Variants in SNTG2 observed in about 807,000 individuals in gnomAD.
SNTG2 encodes the protein gamma-2-syntrophin.
Under a neutral mutation model 70.9 loss-of-function variants are expected in SNTG2, and 74 were observed. The ratio of observed to expected loss-of-function variants is 1.04; its 90% confidence interval spans 0.86 to 1.27. SNTG2 has a LOEUF of 1.27. Ranked by LOEUF, SNTG2 falls within the 50% of genes most tolerant of loss-of-function variation. The pLI is 0.00. For missense variants in SNTG2, 717 were observed against 690.7 expected (o/e 1.04, Z -0.43); for synonymous variants, 278 against 273.8 (o/e 1.02, Z -0.15).
chr2:1,093,529 A>G (rs942209779), intron 2 of SNTG2, among the ~76,000 whole-genome samples: 9 of 152,232 alleles, frequency 5.9e-5, no homozygotes, highest in African/African-American at 2.2e-4. Context: ...TAAAGTTCCT[A>G]GATATGCTAA....
At chr2:994,629 C>G (rs1000000252) in intron 1 of SNTG2, among the ~76,000 whole-genome samples, 1 of 151,898 alleles carries the variant, frequency 6.6e-6, no homozygotes, top group Non-Finnish European at 1.5e-5. Context: ...GAGAATTATC[C>G]ATTTCATAAT....
chr2:1,322,702 T>C (rs986341521), intron 16 of SNTG2, among the ~76,000 whole-genome samples: 1 of 151,892 alleles, frequency 6.6e-6, no homozygotes, highest in African/African-American at 2.4e-5. Context: ...CCTTTCCTAC[T>C]GGGGTACCTG....
At chr2:977,598 T>A (rs1660949950) in intron 1 of SNTG2, among the ~76,000 whole-genome samples, 1 of 152,226 alleles carries the variant, frequency 6.6e-6, no homozygotes, top group Non-Finnish European at 1.5e-5. Flanking sequence ...TTGCCATCTC[T>A]GTCGCTCAAT....
intron 14 of SNTG2, among the ~76,000 whole-genome samples, chr2:1,287,974 G>A (rs184591611): frequency 8.6e-5 from 13 of 151,762 alleles, no homozygotes; most frequent in Admixed American, 5.9e-4. Flanking sequence ...CACCTGGGGC[G>A]AGCCCAGCTT....
intron 1 of SNTG2, among the ~76,000 whole-genome samples, chr2:1,079,264 G>C (rs976994716): frequency 6.6e-6 from 1 of 152,188 alleles, no homozygotes; most frequent in African/African-American, 2.4e-5. Flanking sequence ...TACAGGTGAT[G>C]TCTCCAGGGC....
chr2:1,156,886 G>T (rs879824761), intron 6 of SNTG2, among the ~76,000 whole-genome samples: 80 of 152,092 alleles, frequency 5.3e-4, no homozygotes, highest in Admixed American at 1.3e-4. Context: ...TGAAACAGAG[G>T]TTTCCACGGT....
At chr2:1,295,307 C>G (rs927372565) in intron 14 of SNTG2, among the ~76,000 whole-genome samples, 10 of 152,158 alleles carry the variant, frequency 6.6e-5, no homozygotes, top group African/African-American at 2.2e-4. Flanking sequence ...CCTGTCTTCT[C>G]CCCGTTCACT....
Position 1,009,654 on chromosome 2 carries a change from G to A in SNTG2, c.72+58586G>A, listed in dbSNP as rs375800516. ...GGTCGTGTGTATGGCAGCCACACCT[G>A]TGTCCCCAGGAAGACTGCTGGTTCT... On this transcript the variant is annotated intron_variant, in intron 1 of 16. Transcript: ENST00000308624. Among the ~76,000 whole-genome samples the A allele has an allele frequency of 3.7e-4, 21 of 57,180 alleles. 1 individual carries two copies. Among genetic ancestry groups the A allele is most frequent in the African/African-American group, 1.2e-3 (19 of 15,462 alleles). The allele number at this position is 57,180 out of a possible 152,430, so 37.5% of individuals were successfully genotyped here.
chr2:1,351,904 T>C (rs866110350), intron 16 of SNTG2, among the ~76,000 whole-genome samples: 1 of 152,122 alleles, frequency 6.6e-6, no homozygotes, highest in African/African-American at 2.4e-5. Flanking sequence ...CCCTGGACTC[T>C]TGCAGCCCCT....
At chr2:1,214,915 C>T (rs925115714) in intron 9 of SNTG2, among the ~76,000 whole-genome samples, 1 of 152,084 alleles carries the variant, frequency 6.6e-6, no homozygotes, top group African/African-American at 2.4e-5. Context: ...TCCCTTCATA[C>T]CTAATTTGTT....
chr2:1,153,793 G>T (rs4450636), intron 6 of SNTG2, among the ~76,000 whole-genome samples: 10,893 of 152,270 alleles, frequency 0.072, 567 homozygotes, highest in South Asian at 0.18. Flanking sequence ...TGCGGGTGAT[G>T]GAAGACTGAA....
intron 1 of SNTG2, among the ~76,000 whole-genome samples, chr2:1,072,921 A>G (rs1438884285): frequency 6.6e-6 from 1 of 152,228 alleles, no homozygotes; most frequent in East Asian, 1.9e-4. Context: ...TGGAGCAGGT[A>G]CCTGCAGATG....
chr2:975,974 A>G (rs1660895021), intron 1 of SNTG2, among the ~76,000 whole-genome samples: 1 of 152,370 alleles, frequency 6.6e-6, no homozygotes, highest in East Asian at 1.9e-4. Context: ...AGACAACATC[A>G]GGACAGTCTG....
At chr2:1,009,877 T>C (rs1040795540) in intron 1 of SNTG2, among the ~76,000 whole-genome samples, 16 of 152,186 alleles carry the variant, frequency 1.1e-4, no homozygotes, top group Non-Finnish European at 2.2e-4. Flanking sequence ...ATCTCTCTTC[T>C]CATCCTTTCA....
intron 4 of SNTG2, among the ~76,000 whole-genome samples, chr2:1,123,058 T>G (rs1474569919): frequency 6.6e-6 from 1 of 152,024 alleles, no homozygotes; most frequent in Non-Finnish European, 1.5e-5. Context: ...TTCAAAACAT[T>G]GAAGAAGATA....
chr2:1,012,189 C>T (rs1185404943), intron 1 of SNTG2, among the ~76,000 whole-genome samples: 1 of 152,224 alleles, frequency 6.6e-6, no homozygotes, highest in Non-Finnish European at 1.5e-5. Flanking sequence ...CGTAACAACA[C>T]TAAGCGTGGG....
chr2:1,110,720 G>A (rs1572455856), intron 4 of SNTG2, among the ~76,000 whole-genome samples: 1 of 152,202 alleles, frequency 6.6e-6, no homozygotes, highest in Admixed American at 6.5e-5. Flanking sequence ...TGTCTGCTGT[G>A]CTGCCATATC....
At position 1,247,321 on chromosome 2, in the gene SNTG2, C is replaced by G; in HGVS notation, c.889-6C>G. On this transcript the variant is annotated splice_region_variant and splice_polypyrimidine_tract_variant and intron_variant, in intron 11 of 16. Coordinates refer to ENST00000308624, the MANE Select transcript of SNTG2 (RefSeq NM_018968.4). Reference sequence around the variant, plus strand: ...GGCTTGGTTTGTAATTTTCACCCCTCTGCAGGTTGTGCATATGGGGTGGGT... The same window carrying G: ...GGCTTGGTTTGTAATTTTCACCCCTGTGCAGGTTGTGCATATGGGGTGGGT... The G allele has an allele frequency of 7.0e-7, 1 of 1,421,062 alleles. No homozygotes were observed. The highest frequency in any genetic ancestry group is 9.7e-7 in the Non-Finnish European group (1 of 1,034,042). The allele number at this position is 1,421,062 out of a possible 1,614,324, so 88.0% of individuals were successfully genotyped here. A position where few individuals can be genotyped will look rare whatever the true frequency, so the allele number is the denominator to read the frequency against.
intron 8 of SNTG2, among the ~76,000 whole-genome samples, chr2:1,186,336 C>G (rs1444084930): frequency 6.6e-6 from 1 of 152,200 alleles, no homozygotes; most frequent in African/African-American, 2.4e-5. Context: ...GCTGAGCCCT[C>G]CAAACTGTTC....
Sources: gnomAD v4.1 joint callset for allele counts (sites outside exome capture counted in the v4.1 genomes callset) on GRCh38, gnomAD v4.1.1 for gene constraint, MANE v1.5 for transcripts, NCBI Gene and HGNC (gene_info 2026-07-23, HGNC 2026-07-21) for gene names.